Variants in TMEM132D observed in about 807,000 individuals in gnomAD.
The protein encoded by TMEM132D is mature OL transmembrane protein.
Under a neutral mutation model 62.3 loss-of-function variants are expected in TMEM132D, and 21 were observed. The observed-to-expected ratio is 0.34, with a 90% confidence interval of 0.24 to 0.49. TMEM132D has a LOEUF of 0.49. TMEM132D is among the 20% of genes least tolerant of loss of function. The pLI is 0.99. For synonymous variants in TMEM132D, 621 were observed against 575.6 expected (o/e 1.08, Z -1.13); for missense variants, 1,346 against 1,402.8 (o/e 0.96, Z 0.65).
chr12:129,600,495 A>ATCCTT (rs2137142201), intron 2 of TMEM132D, among the ~76,000 whole-genome samples: 1 of 152,282 alleles, frequency 6.6e-6, no homozygotes, highest in East Asian at 1.9e-4. Flanking sequence ...AGAATGGTAA[A>ATCCTT]TCCTTTCCAA....
At chr12:129,267,504 A>G (rs1446232596) in intron 4 of TMEM132D, among the ~76,000 whole-genome samples, 1 of 152,218 alleles carries the variant, frequency 6.6e-6, no homozygotes, top group Admixed American at 6.5e-5. Flanking sequence ...TTCAAGGAGA[A>G]CTACAAACCA....
At chr12:129,744,778 A>T (rs1016125294) in intron 1 of TMEM132D, among the ~76,000 whole-genome samples, 4 of 152,218 alleles carry the variant, frequency 2.6e-5, no homozygotes, top group Non-Finnish European at 2.9e-5. Flanking sequence ...GGAGATTCAT[A>T]AAGTCTGCTA....
Position 129,750,087 on chromosome 12 carries a change from T to A in TMEM132D, c.80-49389A>T, listed in dbSNP as rs189776460. Among the ~76,000 whole-genome samples the A allele has an allele frequency of 1.5e-3, 228 of 152,204 alleles. 1 individual carries two copies. Among genetic ancestry groups the A allele is most frequent in the African/African-American group, 5.1e-3 (211 of 41,512 alleles). Reference sequence around the variant, plus strand: ...GCTTGTCAGAGGATGCCCTTTATTTTTTTATTTATTTATTTTGAGATGGAG... The same window carrying A: ...GCTTGTCAGAGGATGCCCTTTATTTATTTATTTATTTATTTTGAGATGGAG... On this transcript the variant is annotated intron_variant, in intron 1 of 8. Coordinates refer to ENST00000422113, the MANE Select transcript of TMEM132D (RefSeq NM_133448.3).
chr12:129,139,849 T>C (rs1876686829), intron 5 of TMEM132D, among the ~76,000 whole-genome samples: 1 of 152,078 alleles, frequency 6.6e-6, no homozygotes, highest in African/African-American at 2.4e-5. Flanking sequence ...TAGCTGGGAC[T>C]ACAGGCATGT....
chr12:129,900,082 A>G (rs561917370), intron 1 of TMEM132D, among the ~76,000 whole-genome samples: 33 of 152,280 alleles, frequency 2.2e-4, no homozygotes, highest in African/African-American at 7.5e-4. Flanking sequence ...CATGATGCAG[A>G]TATTATTTAT....
At chr12:129,803,492 G>A (rs1488734987) in intron 1 of TMEM132D, among the ~76,000 whole-genome samples, 4 of 151,860 alleles carry the variant, frequency 2.6e-5, no homozygotes, top group Admixed American at 6.6e-5. Context: ...TGAAACCAAC[G>A]AGAAGAAAGA....
At chr12:129,139,750 A>G (rs1426982251) in intron 5 of TMEM132D, among the ~76,000 whole-genome samples, 2 of 152,192 alleles carry the variant, frequency 1.3e-5, no homozygotes, top group African/African-American at 4.8e-5. Flanking sequence ...AGAGTGCAGT[A>G]GTGTGATCAC....
chr12:129,802,989 C>G lies in TMEM132D; in HGVS notation c.79+100272G>C, dbSNP rs1019182352. On this transcript the variant is annotated intron_variant, in intron 1 of 8. Transcript: ENST00000422113. ...GGATCAATTCAACAAGAAGAGCTAA[C>G]TATCCTAAATATATATGCACCCAAT... Among the ~76,000 whole-genome samples, 7 of 150,846 alleles carry G rather than the reference C, an allele frequency of 4.6e-5. No homozygotes were observed. In the East Asian group the frequency reaches 1.4e-3, roughly 30 times the overall value.
intron 1 of TMEM132D, among the ~76,000 whole-genome samples, chr12:129,899,246 T>C (rs1251696572): frequency 7.0e-6 from 1 of 143,854 alleles, no homozygotes; most frequent in African/African-American, 2.7e-5. Flanking sequence ...GATGGATGGA[T>C]GGATGCACGG....
intron 2 of TMEM132D, among the ~76,000 whole-genome samples, chr12:129,591,964 A>C (rs1267052020): frequency 6.6e-6 from 1 of 152,214 alleles, no homozygotes; most frequent in Non-Finnish European, 1.5e-5. Flanking sequence ...AATAGTATTG[A>C]GTTATTAACC....
At chr12:129,090,663 G>C (rs1353585312) in intron 5 of TMEM132D, among the ~76,000 whole-genome samples, 1 of 135,346 alleles carries the variant, frequency 7.4e-6, no homozygotes, top group Non-Finnish European at 1.6e-5. Context: ...GTGAGACCCT[G>C]TCTGAAAAAA....
chr12:129,446,444 G>A (rs1406758993), intron 3 of TMEM132D, among the ~76,000 whole-genome samples: 5 of 152,188 alleles, frequency 3.3e-5, no homozygotes, highest in Admixed American at 6.5e-5. Flanking sequence ...TGGAGAATAC[G>A]ATGTCTCAGG....
At chr12:129,303,682 G>GAT (rs1463362583) in intron 4 of TMEM132D, among the ~76,000 whole-genome samples, 1 of 152,172 alleles carries the variant, frequency 6.6e-6, no homozygotes, top group Non-Finnish European at 1.5e-5. Context: ...GATATACACA[G>GAT]ATGTGTACGA....
At chr12:129,571,200 G>A (rs973333052) in intron 2 of TMEM132D, among the ~76,000 whole-genome samples, 7 of 152,142 alleles carry the variant, frequency 4.6e-5, no homozygotes, top group African/African-American at 1.2e-4. Context: ...CATTCTTACC[G>A]CAGGGTGACC....
chr12:129,841,410 G>A (rs1873189666), intron 1 of TMEM132D, among the ~76,000 whole-genome samples: 1 of 152,102 alleles, frequency 6.6e-6, no homozygotes, highest in Non-Finnish European at 1.5e-5. Flanking sequence ...TTCATTCGGG[G>A]CTGAGACATG....
chr12:129,723,780 T>A (rs1868930232), intron 1 of TMEM132D, among the ~76,000 whole-genome samples: 1 of 152,224 alleles, frequency 6.6e-6, no homozygotes, highest in African/African-American at 2.4e-5. Context: ...TGTGGTCAGT[T>A]CTGTCCATGC....
intron 5 of TMEM132D, among the ~76,000 whole-genome samples, chr12:129,139,426 G>C (rs1250516989): frequency 1.3e-5 from 2 of 152,200 alleles, no homozygotes; most frequent in Admixed American, 6.5e-5. Context: ...CTGTTCAGCA[G>C]CACCAGTGCA....
intron 2 of TMEM132D, among the ~76,000 whole-genome samples, chr12:129,673,330 G>A (rs919002237): frequency 2.0e-5 from 3 of 152,182 alleles, no homozygotes; most frequent in African/African-American, 7.2e-5. Flanking sequence ...GTATTTGGAA[G>A]AGGAATAATG....
At chr12:129,605,611 A>ATATATATATAT (rs1878601386) in intron 2 of TMEM132D, among the ~76,000 whole-genome samples, 1 of 105,448 alleles carries the variant, frequency 9.5e-6, no homozygotes, top group African/African-American at 3.7e-5. Flanking sequence ...ATATACACAC[A>ATATATATATAT]CATATATATA....
Sources: allele counts gnomAD v4.1 joint callset (sites outside exome capture counted in the v4.1 genomes callset), GRCh38; gene constraint gnomAD v4.1.1; transcripts MANE v1.5; gene names NCBI Gene and HGNC (gene_info 2026-07-23, HGNC 2026-07-21).